Variants in LRFN5 observed in about 807,000 individuals in gnomAD.
LRFN5 encodes the protein leucine-rich repeat and fibronectin type-III domain-containing protein 5.
In LRFN5, 24 loss-of-function variants were observed where a neutral mutation model predicts 45.6. The ratio of observed to expected loss-of-function variants is 0.53; its 90% CI spans 0.38 to 0.74. LRFN5 has a LOEUF of 0.74. Among genes scored for constraint, LRFN5 ranks in the 30% least tolerant of loss-of-function variants. The probability of loss-of-function intolerance (pLI) is 0.00; values close to 1 mark genes in which losing one functional copy is unlikely to be tolerated. For synonymous variants in LRFN5, 340 were observed against 313.8 expected, an observed-to-expected ratio of 1.08 and a Z score of -0.88; for missense variants, 776 against 861.5, an observed-to-expected ratio of 0.90 and a Z score of 1.24.
In LRFN5 at chr14:41,893,025, T is replaced by A. The variant is rs555904283; in HGVS notation, c.2098+1063T>A. On this transcript the variant is annotated intron_variant, in intron 4 of 5. Transcript: ENST00000298119. The stretch of plus-strand genomic sequence containing the variant: ...AACTTCTAATGGTGTTCTCATTATA[T>A]TTATAAGTCATAAAAGTCATTGCTC... The A allele has an allele frequency of 7.4e-5, 73 of 984,944 alleles. No individual in the cohort carries two copies. The Middle Eastern group carries it at 2.1e-3, about 28-fold the overall frequency. 61.0% of individuals were successfully genotyped at this position (984,944 alleles called of 1,614,324 possible).
chr14:41,882,510 T>C (rs1890415513), intron 2 of LRFN5, among the ~76,000 whole-genome samples: 2 of 152,206 alleles, frequency 1.3e-5, no homozygotes, highest in East Asian at 3.9e-4. Flanking sequence ...AAGTATTTCT[T>C]TCAATTTTCC....
intron 1 of LRFN5, among the ~76,000 whole-genome samples, chr14:41,618,581 C>T (rs1486413056): frequency 6.6e-6 from 1 of 152,062 alleles, no homozygotes; most frequent in Non-Finnish European, 1.5e-5. Flanking sequence ...GAAGATTGAC[C>T]CCAGGTGAGA....
At chr14:41,657,615 G>T (rs777616371) in intron 1 of LRFN5, among the ~76,000 whole-genome samples, 7 of 151,952 alleles carry the variant, frequency 4.6e-5, no homozygotes, top group Non-Finnish European at 8.8e-5. Flanking sequence ...CTTATAATAT[G>T]TGAGAAATAG....
chr14:41,729,336 C>T (rs1884070766), intron 1 of LRFN5, among the ~76,000 whole-genome samples: 1 of 152,028 alleles, frequency 6.6e-6, no homozygotes, highest in South Asian at 2.1e-4. Context: ...CATATGACAT[C>T]CCTCCTCCCC....
At chr14:41,748,749 G>A (rs534325586) in intron 1 of LRFN5, among the ~76,000 whole-genome samples, 44 of 152,134 alleles carry the variant, frequency 2.9e-4, no homozygotes, top group African/African-American at 6.5e-4. Context: ...AGCCAGATGC[G>A]TATGGGCTTT....
intron 2 of LRFN5, among the ~76,000 whole-genome samples, chr14:41,771,307 G>A (rs1295272884): frequency 6.6e-6 from 1 of 151,748 alleles, no homozygotes; most frequent in Non-Finnish European, 1.5e-5. Flanking sequence ...CATTGTCTGG[G>A]ATATTAGCTC....
chr14:41,828,339 A>G (rs73319477), intron 2 of LRFN5, among the ~76,000 whole-genome samples: 1 of 152,068 alleles, frequency 6.6e-6, no homozygotes, highest in African/African-American at 2.4e-5. Context: ...CAAACAAATC[A>G]TCTATTTTGT....
intron 2 of LRFN5, among the ~76,000 whole-genome samples, chr14:41,767,537 G>A (rs1034423395): frequency 6.6e-6 from 1 of 152,124 alleles, no homozygotes; most frequent in African/African-American, 2.4e-5. Context: ...TTTCCTGATT[G>A]GTTGGTTTAT....
intron 1 of LRFN5, among the ~76,000 whole-genome samples, chr14:41,735,176 G>A (rs1217178434): frequency 2.6e-5 from 4 of 151,900 alleles, no homozygotes; most frequent in Non-Finnish European, 5.9e-5. Flanking sequence ...TTTTCCTTTA[G>A]CATGAAAAAC....
At chr14:41,727,361 T>C (rs866094175) in intron 1 of LRFN5, among the ~76,000 whole-genome samples, 1 of 152,066 alleles carries the variant, frequency 6.6e-6, no homozygotes, top group Non-Finnish European at 1.5e-5. Flanking sequence ...CTTAGCACTT[T>C]AGCAGGCAGA....
intron 2 of LRFN5, among the ~76,000 whole-genome samples, chr14:41,864,845 CT>C: frequency 6.6e-6 from 1 of 151,938 alleles, no homozygotes; most frequent in Admixed American, 6.6e-5. Context: ...TAATGAAAAG[CT>C]TTTACTATCA....
chr14:41,895,379 T>C (rs913974179), intron 4 of LRFN5, among the ~76,000 whole-genome samples: 7 of 152,160 alleles, frequency 4.6e-5, no homozygotes, highest in African/African-American at 1.7e-4. Context: ...ATCCCAGCAC[T>C]CTGGGGGCCC....
At chr14:41,673,398 CCG>C in intron 1 of LRFN5, among the ~76,000 whole-genome samples, 1 of 141,988 alleles carries the variant, frequency 7.0e-6, no homozygotes, top group Non-Finnish European at 1.5e-5. Context: ...GGGGGCTGAC[CCG>C]CCCCCCACCT....
At chr14:41,747,976 A>T (rs1359265862) in intron 1 of LRFN5, among the ~76,000 whole-genome samples, 2 of 152,076 alleles carry the variant, frequency 1.3e-5, no homozygotes, top group Non-Finnish European at 1.5e-5. Flanking sequence ...AATCATTAGG[A>T]TGAAGACTCT....
chr14:41,829,959 T>C (rs1323969081), intron 2 of LRFN5, among the ~76,000 whole-genome samples: 1 of 151,360 alleles, frequency 6.6e-6, no homozygotes, highest in Non-Finnish European at 1.5e-5. Context: ...TTATCTCTAA[T>C]TGTATTACTT....
chr14:41,702,494 G>A (rs892517557), intron 1 of LRFN5, among the ~76,000 whole-genome samples: 12 of 152,112 alleles, frequency 7.9e-5, no homozygotes, highest in Non-Finnish European at 1.3e-4. Flanking sequence ...ACAGGGTCTC[G>A]CTCTTTCACC....
At position 41,767,926 on chromosome 14, in the gene LRFN5, TCTC is replaced by T. The variant is rs367647363; in HGVS notation, c.-21+900_-21+902del. Among the ~76,000 whole-genome samples the T allele has an allele frequency of 8.5e-4, 130 of 152,244 alleles. 1 individual carries two copies. Among genetic ancestry groups the T allele is most frequent in the African/African-American group, 2.4e-3 (101 of 41,572 alleles). On this transcript the variant is annotated intron_variant, in intron 2 of 5. Coordinates refer to ENST00000298119, the MANE Select transcript of LRFN5 (RefSeq NM_152447.5). ...TCATGTTTGAGGCATTTTTTTTTCT[TCTC>T]CTAAATACTTGATGTAAGCATTTCT...
At chr14:41,859,075 T>C (rs900551477) in intron 2 of LRFN5, among the ~76,000 whole-genome samples, 3 of 152,162 alleles carry the variant, frequency 2.0e-5, no homozygotes, top group Non-Finnish European at 4.4e-5. Flanking sequence ...AATCCTGACT[T>C]GTAGCATTTA....
At chr14:41,893,312 C>A (rs1211823272) in intron 4 of LRFN5, 1 of 950,690 alleles carries the variant, frequency 1.1e-6, no homozygotes. Flanking sequence ...TCTATTCACT[C>A]CTTGAAAAAC....
Sources: allele counts gnomAD v4.1 joint callset (sites outside exome capture counted in the v4.1 genomes callset), GRCh38; gene constraint gnomAD v4.1.1; transcripts MANE v1.5; gene names NCBI Gene and HGNC (gene_info 2026-07-23, HGNC 2026-07-21).